Variants in TNPO1 observed in about 807,000 individuals in gnomAD.
TNPO1 encodes transportin 1, also known as transportin-1.
In TNPO1, 8 loss-of-function variants were observed where a neutral mutation model predicts 119.5. That is an observed-to-expected ratio of 0.07 (90% CI 0.04 to 0.12). The LOEUF (loss-of-function observed/expected upper bound fraction) is 0.12. TNPO1 is among the 10% of genes least tolerant of loss of function. The pLI, the probability that TNPO1 is intolerant of heterozygous loss-of-function variation, is 1.00. For synonymous variants in TNPO1, 362 were observed against 363.0 expected (o/e 1.00, Z 0.03); for missense variants, 576 against 1,089.8 (o/e 0.53, Z 6.64).
chr5:72,839,154 T>A (rs1246849917), intron 1 of TNPO1, among the ~76,000 whole-genome samples: 2 of 152,186 alleles, frequency 1.3e-5, no homozygotes, highest in Non-Finnish European at 2.9e-5. Context: ...AACTCTCCAG[T>A]TGAATGTAGC....
chr5:72,826,776 T>A (rs1744222556), intron 1 of TNPO1, among the ~76,000 whole-genome samples: 1 of 152,184 alleles, frequency 6.6e-6, no homozygotes, highest in Non-Finnish European at 1.5e-5. Context: ...TGTATTTAAT[T>A]CCATAGAGAA....
At chr5:72,877,170 A>C in intron 8 of TNPO1, 58 bp from the exon 9 acceptor site, 1 of 905,108 alleles carries the variant, frequency 1.1e-6, no homozygotes, top group Non-Finnish European at 1.7e-6. Flanking sequence ...ATAGGACTGA[A>C]TTGATACTAA....
Position 72,897,096 on chromosome 5 carries a change from G to T in TNPO1, c.2283G>T (p.Gln761His). 1 of 1,612,412 alleles carries T rather than the reference G, an allele frequency of 6.2e-7. No individual in the cohort carries two copies. Among genetic ancestry groups the T allele is most frequent in the Non-Finnish European group, 8.5e-7 (1 of 1,179,438 alleles). Residue 761 changes from glutamine (Q) to histidine (H), a missense_variant, in exon 20 of 25, where the codon CAG becomes CAT. Physicochemically the swap from Gln to His is conservative, Grantham distance 24 (BLOSUM62 0). This residue lies in a region of TNPO1 where 162 missense variants were observed against 294.1 expected (regional missense o/e 0.55). Coordinates refer to ENST00000337273, the MANE Select transcript of TNPO1 (RefSeq NM_002270.4). ...MQPYIPMVLH[Q>H]LVEIINRPNT... ...CTTATATTCCTATGGTGTTGCACCAGCTTGTAGAAATCATTAACAGACCCA... is the reference window on the plus strand; with the variant it reads ...CTTATATTCCTATGGTGTTGCACCATCTTGTAGAAATCATTAACAGACCCA...
chr5:72,838,396 G>T (rs1041342720), intron 1 of TNPO1, among the ~76,000 whole-genome samples: 1 of 151,956 alleles, frequency 6.6e-6, no homozygotes, highest in Non-Finnish European at 1.5e-5. Flanking sequence ...TATCAGCTTG[G>T]CTTATCAACT....
rs34306580 is a variant in TNPO1 at position 72,895,354 on chromosome 5, CTT to C, written c.2144-1092_2144-1091del. Among the ~76,000 whole-genome samples, 436 of 144,782 alleles carry C rather than the reference CTT, an allele frequency of 3.0e-3. 1 individual carries two copies. Among genetic ancestry groups the C allele is most frequent in the African/African-American group, 4.6e-3 (182 of 39,308 alleles). The allele number at this position is 144,782 out of a possible 152,430, so 95.0% of individuals were successfully genotyped here. A position where few individuals can be genotyped will look rare whatever the true frequency, so the allele number is the denominator to read the frequency against. On this transcript the variant is annotated intron_variant, in intron 18 of 24. Coordinates refer to ENST00000337273, the MANE Select transcript of TNPO1 (RefSeq NM_002270.4). Reference sequence around the variant, plus strand: ...TGTACATAGTGTCTAGTTGTCCCTCCTTTTTTTTTTTTTAATGTTACCAATCT... The same window carrying C: ...TGTACATAGTGTCTAGTTGTCCCTCCTTTTTTTTTTTAATGTTACCAATCT...
At chr5:72,849,318 T>C (rs1433473191) in intron 2 of TNPO1, among the ~76,000 whole-genome samples, 2 of 152,172 alleles carry the variant, frequency 1.3e-5, no homozygotes, top group East Asian at 3.9e-4. Context: ...CGTGCTCAAA[T>C]GGAGAGCTCT....
chr5:72,831,193 A>G (rs2112189655), intron 1 of TNPO1, among the ~76,000 whole-genome samples: 1 of 152,188 alleles, frequency 6.6e-6, no homozygotes, highest in Non-Finnish European at 1.5e-5. Context: ...TGTAGAACTT[A>G]TTTCTGCAGA....
chr5:72,874,166 C>T (rs1465094468), intron 7 of TNPO1, among the ~76,000 whole-genome samples: 1 of 151,994 alleles, frequency 6.6e-6, no homozygotes, highest in African/African-American at 2.4e-5. Context: ...ACTTGATAGT[C>T]CTACAGGATT....
chr5:72,888,672 G>A (rs1483336396), intron 13 of TNPO1, among the ~76,000 whole-genome samples: 1 of 152,136 alleles, frequency 6.6e-6, no homozygotes, highest in African/African-American at 2.4e-5. Flanking sequence ...AATTCCCTCA[G>A]ACATCTGAAC....
intron 2 of TNPO1, among the ~76,000 whole-genome samples, chr5:72,849,182 A>T (rs1745356146): frequency 6.6e-6 from 1 of 152,168 alleles, no homozygotes; most frequent in Non-Finnish European, 1.5e-5. Context: ...CTCAAGGCTG[A>T]CTGCACAATT....
chr5:72,826,198 C>T (rs1744199940), intron 1 of TNPO1, among the ~76,000 whole-genome samples: 1 of 152,066 alleles, frequency 6.6e-6, no homozygotes. Flanking sequence ...TCCTGCCCTT[C>T]CCCACCCACT....
intron 23 of TNPO1, 120 bp downstream of exon 23, chr5:72,903,903 A>T: frequency 1.6e-6 from 1 of 635,662 alleles, no homozygotes; most frequent in Non-Finnish European, 2.7e-6. Flanking sequence ...TTGATAGTTT[A>T]CATATATAAC....
intron 13 of TNPO1, among the ~76,000 whole-genome samples, chr5:72,889,507 A>G (rs554019691): frequency 6.6e-6 from 1 of 152,230 alleles, no homozygotes; most frequent in South Asian, 2.1e-4. Context: ...ATTGTTAAGC[A>G]TATACTAAAT....
At chr5:72,904,693 A>C (rs1268995893) in intron 23 of TNPO1, among the ~76,000 whole-genome samples, 1 of 152,136 alleles carries the variant, frequency 6.6e-6, no homozygotes, top group Non-Finnish European at 1.5e-5. Flanking sequence ...GCTACTCAGG[A>C]GGCTGAGGCA....
At chr5:72,838,392 C>T (rs1446605940) in intron 1 of TNPO1, among the ~76,000 whole-genome samples, 2 of 151,996 alleles carry the variant, frequency 1.3e-5, no homozygotes, top group Non-Finnish European at 2.9e-5. Flanking sequence ...TAATTATCAG[C>T]TTGGCTTATC....
chr5:72,872,251 A>G (rs1259080306), intron 6 of TNPO1, among the ~76,000 whole-genome samples: 2 of 152,234 alleles, frequency 1.3e-5, no homozygotes, highest in Admixed American at 6.5e-5. Context: ...ATTGAATTGC[A>G]TATGCCAGAA....
At chr5:72,888,408 T>C (rs753232113) in intron 13 of TNPO1, 105 bp downstream of exon 13, 1 of 1,021,920 alleles carries the variant, frequency 9.8e-7, no homozygotes, top group Non-Finnish European at 1.4e-6. Context: ...TGTTTCGTAA[T>C]TGAAAATTTT....
rs554659439 is a variant in TNPO1, at chr5:72,873,376, AGTC to A, written c.678+657_678+659del. On this transcript the variant is annotated intron_variant, in intron 7 of 24. Coordinates refer to ENST00000337273, the MANE Select transcript of TNPO1 (RefSeq NM_002270.4). ...AATGGAATTTTAAAAGTCCCTTAGA[AGTC>A]AGACTGCTGATACTACTGTTGGGAA... Among the ~76,000 whole-genome samples, 639 of 152,242 alleles carry A rather than the reference AGTC, an allele frequency of 4.2e-3. 4 individuals carry two copies. Among genetic ancestry groups the A allele is most frequent in the African/African-American group, 0.015 (617 of 41,552 alleles).
chr5:72,824,383 C>T (rs1744114274), intron 1 of TNPO1, among the ~76,000 whole-genome samples: 2 of 152,192 alleles, frequency 1.3e-5, no homozygotes, highest in Admixed American at 1.3e-4. Flanking sequence ...AAGTTCTCTC[C>T]TCTAGTACTC....
Sources: allele counts gnomAD v4.1 joint callset (sites outside exome capture counted in the v4.1 genomes callset), GRCh38; gene constraint gnomAD v4.1.1; regional missense constraint gnomAD v4.1.1; transcripts MANE v1.5; gene names NCBI Gene and HGNC (gene_info 2026-07-23, HGNC 2026-07-21).